Variants in UBE2E2 observed in about 807,000 individuals in gnomAD.
UBE2E2 encodes the protein ubiquitin-conjugating enzyme E2 E2.
A neutral mutation model predicts 24.7 loss-of-function variants in UBE2E2; 6 were observed. That is an observed-to-expected ratio of 0.24 (90% CI 0.13 to 0.48). The LOEUF is 0.48. Among genes scored for constraint, UBE2E2 ranks in the 20% least tolerant of loss-of-function variants. The pLI, the probability that UBE2E2 is intolerant of heterozygous loss-of-function variation, is 0.99. For synonymous variants in UBE2E2, 104 were observed against 83.6 expected (o/e 1.24, Z -1.33); for missense variants, 169 against 245.0 (o/e 0.69, Z 2.07).
At chr3:23,295,053 TA>T (rs1241157864) in intron 3 of UBE2E2, among the ~76,000 whole-genome samples, 1 of 152,212 alleles carries the variant, frequency 6.6e-6, no homozygotes, top group Non-Finnish European at 1.5e-5. Context: ...ATGATAAACC[TA>T]TTTACATTTA....
At chr3:23,221,468 C>T (rs1421214297) in intron 3 of UBE2E2, among the ~76,000 whole-genome samples, 1 of 152,186 alleles carries the variant, frequency 6.6e-6, no homozygotes, top group Non-Finnish European at 1.5e-5. Flanking sequence ...CCAGCTCTTT[C>T]ACCACCAGCC....
rs149152299 is a variant in UBE2E2 at position 23,274,451 on chromosome 3, G to C, written c.227+57139G>C. On this transcript the variant is annotated intron_variant, in intron 3 of 5. Transcript: ENST00000396703. ...CAAGGTCACGGTTCACTGCATCCTA[G>C]CTCAGCAGATCCTCCTATCTCCGTC... is the stretch of plus-strand genomic sequence containing the variant. Among the ~76,000 whole-genome samples the C allele has an allele frequency of 5.1e-4, 77 of 152,148 alleles. 1 individual carries two copies. The highest frequency in any genetic ancestry group is 1.6e-3 in the African/African-American group (66 of 41,510).
intron 3 of UBE2E2, among the ~76,000 whole-genome samples, chr3:23,448,648 G>A (rs1692620): frequency 0.58 from 87,983 of 152,042 alleles, 25,801 homozygotes; most frequent in East Asian, 0.74. Context: ...GTGATAATTT[G>A]TAATTCAAAT....
chr3:23,297,456 G>A (rs1171513039), intron 3 of UBE2E2, among the ~76,000 whole-genome samples: 3 of 152,154 alleles, frequency 2.0e-5, no homozygotes, highest in Admixed American at 6.5e-5. Flanking sequence ...TAACGTTTAA[G>A]TCTTTAATCC....
chr3:23,219,617 C>T (rs1696569697), intron 3 of UBE2E2, among the ~76,000 whole-genome samples: 1 of 152,126 alleles, frequency 6.6e-6, no homozygotes, highest in Non-Finnish European at 1.5e-5. Context: ...AAGTTATCTG[C>T]CTAATAGAAG....
At chr3:23,233,024 A>G (rs1697012160) in intron 3 of UBE2E2, among the ~76,000 whole-genome samples, 1 of 152,192 alleles carries the variant, frequency 6.6e-6, no homozygotes, top group South Asian at 2.1e-4. Context: ...GTCAGGCTCA[A>G]GTTAGCAGGC....
In UBE2E2 at chr3:23,252,833, C is replaced by T. The variant is rs570683143; in HGVS notation, c.227+35521C>T. Among the ~76,000 whole-genome samples the T allele has an allele frequency of 3.3e-5, 5 of 152,298 alleles. No homozygotes were observed. In the East Asian group the frequency reaches 7.7e-4, roughly 24 times the overall value. On this transcript the variant is annotated intron_variant, in intron 3 of 5. Coordinates refer to ENST00000396703, the MANE Select transcript of UBE2E2 (RefSeq NM_152653.4). Reference sequence around the variant, plus strand: ...TTAAACCATATTATTTATGTCCCCGCAGTAGAAAGAACACATCAAATCTGC... The same window carrying T: ...TTAAACCATATTATTTATGTCCCCGTAGTAGAAAGAACACATCAAATCTGC...
At chr3:23,413,375 T>C (rs973536687) in intron 3 of UBE2E2, among the ~76,000 whole-genome samples, 2 of 152,174 alleles carry the variant, frequency 1.3e-5, no homozygotes, top group Admixed American at 6.5e-5. Flanking sequence ...AATGATACTT[T>C]ATAAGTCTTC....
At chr3:23,265,542 T>C (rs1698025455) in intron 3 of UBE2E2, among the ~76,000 whole-genome samples, 1 of 152,144 alleles carries the variant, frequency 6.6e-6, no homozygotes, top group Non-Finnish European at 1.5e-5. Flanking sequence ...CCATGAATTT[T>C]AGTGAAAATA....
At chr3:23,304,583 C>A (rs1345376347) in intron 3 of UBE2E2, among the ~76,000 whole-genome samples, 1 of 152,068 alleles carries the variant, frequency 6.6e-6, no homozygotes, top group African/African-American at 2.4e-5. Flanking sequence ...TCTTGTGATA[C>A]ATTATTTTAC....
At chr3:23,399,697 T>C (rs2125369579) in intron 3 of UBE2E2, among the ~76,000 whole-genome samples, 1 of 152,324 alleles carries the variant, frequency 6.6e-6, no homozygotes, top group Admixed American at 6.5e-5. Context: ...AAAATGAAAT[T>C]TAAACATTTA....
At chr3:23,205,943 T>C (rs1696133527) in intron 1 of UBE2E2, among the ~76,000 whole-genome samples, 1 of 152,204 alleles carries the variant, frequency 6.6e-6, no homozygotes, top group South Asian at 2.1e-4. Flanking sequence ...ATAAGAATAT[T>C]GAGAAGAATG....
chr3:23,329,867 G>A lies in UBE2E2; in HGVS notation c.227+112555G>A, dbSNP rs138645133. Among the ~76,000 whole-genome samples, 75 of 152,262 alleles carry A rather than the reference G, an allele frequency of 4.9e-4. 1 individual carries two copies. The East Asian group carries it at 0.01, about 20-fold the overall frequency. ...TACTCTTCCCTTTTAAAATATTTTAGTGATCTTAAAACTTGACCACTCTGG... is the reference window on the plus strand; with the variant it reads ...TACTCTTCCCTTTTAAAATATTTTAATGATCTTAAAACTTGACCACTCTGG... On this transcript the variant is annotated intron_variant, in intron 3 of 5. Transcript: ENST00000396703.
At chr3:23,470,679 C>A (rs747643839) in intron 3 of UBE2E2, among the ~76,000 whole-genome samples, 1 of 152,108 alleles carries the variant, frequency 6.6e-6, no homozygotes, top group Non-Finnish European at 1.5e-5. Context: ...CACAGTTGAT[C>A]TTCTGGCAGC....
intron 3 of UBE2E2, 26 bp from the exon 4 acceptor site, chr3:23,499,582 C>A (rs1157916277): frequency 6.3e-7 from 1 of 1,595,778 alleles, no homozygotes; most frequent in South Asian, 1.2e-5. Flanking sequence ...TTTCTAAGCA[C>A]ATTTCATTTG....
chr3:23,400,115 A>T (rs1697181967), intron 3 of UBE2E2, among the ~76,000 whole-genome samples: 1 of 152,192 alleles, frequency 6.6e-6, no homozygotes, highest in Admixed American at 6.5e-5. Context: ...ATTGCTGCAG[A>T]TAAAGTCTTA....
At chr3:23,588,983 A>T (rs1264161066) in intron 5 of UBE2E2, among the ~76,000 whole-genome samples, 1 of 152,096 alleles carries the variant, frequency 6.6e-6, no homozygotes, top group Non-Finnish European at 1.5e-5. Context: ...TCCTCAGATA[A>T]GGTAATCTGG....
chr3:23,253,401 G>A (rs1443146918), intron 3 of UBE2E2, among the ~76,000 whole-genome samples: 2 of 152,198 alleles, frequency 1.3e-5, no homozygotes, highest in East Asian at 1.9e-4. Context: ...AGGAAATATG[G>A]TTAGTAAACA....
At chr3:23,273,962 A>G (rs1460201015) in intron 3 of UBE2E2, 2 of 152,248 alleles carry the variant, frequency 1.3e-5, no homozygotes, top group Non-Finnish European at 2.9e-5. Context: ...ATGTTAACAA[A>G]CTTGATTCTT....
Sources: allele counts gnomAD v4.1 joint callset (sites outside exome capture counted in the v4.1 genomes callset), GRCh38; gene constraint gnomAD v4.1.1; transcripts MANE v1.5; gene names NCBI Gene and HGNC (gene_info 2026-07-23, HGNC 2026-07-21).